Variants in MAML2 observed in about 807,000 individuals in gnomAD.
The protein encoded by MAML2 is mastermind-like protein 2.
A neutral mutation model predicts 96.1 loss-of-function variants in MAML2; 22 were observed. That is an observed-to-expected ratio of 0.23 (90% CI 0.16 to 0.33). MAML2 has a LOEUF of 0.33. MAML2 is among the 10% of genes least tolerant of loss of function. MAML2 has a pLI of 1.00. For missense variants in MAML2, 1,367 were observed against 1,392.4 expected (o/e 0.98, Z 0.29); for synonymous variants, 561 against 521.3 (o/e 1.08, Z -1.04).
At chr11:96,302,211 T>C (rs969078846) in intron 1 of MAML2, among the ~76,000 whole-genome samples, 3 of 152,064 alleles carry the variant, frequency 2.0e-5, no homozygotes, top group Admixed American at 2.0e-4. Context: ...GTGGCAGTAA[T>C]ATAAAGAAGA....
intron 2 of MAML2, among the ~76,000 whole-genome samples, chr11:96,015,858 T>C (rs1858343501): frequency 6.6e-6 from 1 of 152,146 alleles, no homozygotes; most frequent in Non-Finnish European, 1.5e-5. Context: ...AGAATGCATA[T>C]GAGGTGCTTC....
intron 1 of MAML2, among the ~76,000 whole-genome samples, chr11:96,236,374 A>T (rs1319811825): frequency 6.6e-6 from 1 of 152,194 alleles, no homozygotes; most frequent in Non-Finnish European, 1.5e-5. Flanking sequence ...TTAAATAGAG[A>T]TCAGAAAATG....
chr11:96,037,009 G>A (rs750138422), intron 2 of MAML2, among the ~76,000 whole-genome samples: 1 of 152,106 alleles, frequency 6.6e-6, no homozygotes, highest in African/African-American at 2.4e-5. Context: ...AAATTTGATC[G>A]GAGTCTGAGA....
At chr11:96,230,390 G>A (rs1475199568) in intron 1 of MAML2, among the ~76,000 whole-genome samples, 1 of 151,964 alleles carries the variant, frequency 6.6e-6, no homozygotes, top group African/African-American at 2.4e-5. Flanking sequence ...TTCACTTACT[G>A]CTCTTTTAAG....
At chr11:96,136,978 T>A (rs946975696) in intron 1 of MAML2, among the ~76,000 whole-genome samples, 1 of 152,208 alleles carries the variant, frequency 6.6e-6, no homozygotes, top group Non-Finnish European at 1.5e-5. Context: ...AAAAATCACA[T>A]CTGACTAGTG....
chr11:96,338,922 C>T (rs1478715226), intron 1 of MAML2, among the ~76,000 whole-genome samples: 1 of 152,168 alleles, frequency 6.6e-6, no homozygotes, highest in Non-Finnish European at 1.5e-5. Flanking sequence ...TGGTGAATCA[C>T]TTCAAAATGC....
intron 1 of MAML2, among the ~76,000 whole-genome samples, chr11:96,148,064 G>A (rs1860848660): frequency 6.6e-6 from 1 of 152,164 alleles, no homozygotes; most frequent in Non-Finnish European, 1.5e-5. Context: ...CAAGACTGTG[G>A]TGCATTCATC....
intron 1 of MAML2, among the ~76,000 whole-genome samples, chr11:96,179,536 C>G (rs1278652858): frequency 1.3e-5 from 2 of 152,122 alleles, no homozygotes; most frequent in African/African-American, 2.4e-5. Context: ...GACTTAAGTC[C>G]AGGCTGCTTC....
chr11:95,984,962 G>A (rs1357524642), intron 4 of MAML2, among the ~76,000 whole-genome samples: 1 of 152,120 alleles, frequency 6.6e-6, no homozygotes, highest in Non-Finnish European at 1.5e-5. Context: ...GAATTTGGGG[G>A]ACTTTTGTAC....
chr11:96,301,472 T>C (rs1863386824), intron 1 of MAML2, among the ~76,000 whole-genome samples: 1 of 152,144 alleles, frequency 6.6e-6, no homozygotes, highest in Non-Finnish European at 1.5e-5. Context: ...GCCAGGCCAA[T>C]GGTTAGATTC....
chr11:96,326,652 G>A (rs1447652474), intron 1 of MAML2, among the ~76,000 whole-genome samples: 1 of 151,848 alleles, frequency 6.6e-6, no homozygotes, highest in Non-Finnish European at 1.5e-5. Context: ...CAAAAAATTA[G>A]CCAGGTATGG....
rs147341535 is a variant in MAML2 at position 96,215,903 on chromosome 11, T to C, written c.514-122386A>G. ...AACAAAGGCAATGAGAATGTCTTTC[T>C]AGCTTTCTAAACTTAGGCCCCCAAA... On this transcript the variant is annotated intron_variant, in intron 1 of 4. Transcript: ENST00000524717. 3.2e-4 allele frequency among the ~76,000 whole-genome samples: 48 copies of C among 152,318 alleles called. 1 individual carries two copies. The highest frequency in any genetic ancestry group is 2.1e-3 in the Admixed American group (32 of 15,304).
intron 1 of MAML2, among the ~76,000 whole-genome samples, chr11:96,121,237 C>T (rs919153545): frequency 2.0e-5 from 3 of 152,218 alleles, no homozygotes; most frequent in African/African-American, 7.2e-5. Context: ...CTCAGAGTCT[C>T]TGGCACCCCA....
intron 1 of MAML2, among the ~76,000 whole-genome samples, chr11:96,172,389 A>G (rs1017313381): frequency 3.3e-5 from 5 of 152,230 alleles, no homozygotes; most frequent in Non-Finnish European, 7.3e-5. Context: ...TCTCCTTCTC[A>G]GGTAGCTTCT....
At chr11:96,021,096 C>T (rs1203246658) in intron 2 of MAML2, among the ~76,000 whole-genome samples, 1 of 152,108 alleles carries the variant, frequency 6.6e-6, no homozygotes, top group Non-Finnish European at 1.5e-5. Flanking sequence ...GGAAGCCTTC[C>T]TCAAGTTGAT....
At chr11:96,282,458 G>T (rs1863085482) in intron 1 of MAML2, among the ~76,000 whole-genome samples, 1 of 152,146 alleles carries the variant, frequency 6.6e-6, no homozygotes. Flanking sequence ...AACAAAGTAT[G>T]CTGATGTCCA....
In MAML2 at chr11:95,979,931, G is replaced by T. The variant is rs1268568378; in HGVS notation, c.2488C>A (p.Gln830Lys). 1 of 1,613,594 alleles carries T rather than the reference G, an allele frequency of 6.2e-7. No individual in the cohort carries two copies. Among genetic ancestry groups the T allele is most frequent in the Admixed American group, 1.7e-5 (1 of 59,968 alleles). ...GTTGAAACTGGGTTTGCCAAAGCCT[G>T]GTTAGAGTTTAAGCTTATTGTGGAT... Reference protein sequence around the residue: ...GSSTISLNSNQALANPVSTHT... With the variant: ...GSSTISLNSNKALANPVSTHT... Residue 830 changes from glutamine to lysine, a missense_variant, in exon 5 of 5, where the codon CAG (glutamine) becomes AAG (lysine). Physicochemically the swap from Gln to Lys is moderately conservative, Grantham distance 53 (BLOSUM62 1). Coordinates refer to ENST00000524717, the MANE Select transcript of MAML2 (RefSeq NM_032427.4).
At chr11:96,258,720 C>A (rs1862705036) in intron 1 of MAML2, among the ~76,000 whole-genome samples, 1 of 152,240 alleles carries the variant, frequency 6.6e-6, no homozygotes, top group South Asian at 2.1e-4. Flanking sequence ...GATTCTAAAT[C>A]ACCTATGAGC....
At chr11:96,181,102 A>G (rs1861477756) in intron 1 of MAML2, among the ~76,000 whole-genome samples, 1 of 152,142 alleles carries the variant, frequency 6.6e-6, no homozygotes, top group African/African-American at 2.4e-5. Context: ...TCATCAGTTA[A>G]GGTGGGGCAG....
Sources: allele counts gnomAD v4.1 joint callset (sites outside exome capture counted in the v4.1 genomes callset), GRCh38; gene constraint gnomAD v4.1.1; transcripts MANE v1.5; gene names NCBI Gene and HGNC (gene_info 2026-07-23, HGNC 2026-07-21).